The following RICTOR variants were observed in gnomAD, a reference collection of about 807,000 sequenced individuals.
RICTOR encodes rapamycin-insensitive companion of mTOR.
Under a neutral mutation model 214.9 loss-of-function variants are expected in RICTOR, and 49 were observed. The ratio of observed to expected loss-of-function variants is 0.23; its 90% confidence interval spans 0.18 to 0.29. The LOEUF is 0.29. Among genes scored for constraint, RICTOR ranks in the 10% least tolerant of loss-of-function variants. The pLI, the probability that RICTOR is intolerant of heterozygous loss-of-function variation, is 1.00. For synonymous variants in RICTOR, 717 were observed against 711.3 expected, an observed-to-expected ratio of 1.01 and a Z score of -0.13; for missense variants, 1,625 against 2,047.0, an observed-to-expected ratio of 0.79 and a Z score of 3.98.
chr5:38,998,355 T>C (rs1030367560), intron 5 of RICTOR, among the ~76,000 whole-genome samples: 6 of 152,134 alleles, frequency 3.9e-5, no homozygotes, highest in Admixed American at 6.5e-5. Context: ...CTGGCTAATT[T>C]TTGTTTTCTT....
chr5:38,962,410 C>T, intron 18 of RICTOR, 49 bp from the exon 19 acceptor site: 8 of 1,165,602 alleles, frequency 6.9e-6, no homozygotes, highest in Non-Finnish European at 1.0e-5. Flanking sequence ...TCAATTCTCA[C>T]ACATATAAGA....
At chr5:39,052,085 G>C (rs1757897447) in intron 2 of RICTOR, among the ~76,000 whole-genome samples, 1 of 152,120 alleles carries the variant, frequency 6.6e-6, no homozygotes, top group African/African-American at 2.4e-5. Flanking sequence ...GATTGCAAGG[G>C]TAAATAGGCC....
intron 3 of RICTOR, among the ~76,000 whole-genome samples, chr5:39,016,943 T>C (rs1034038892): frequency 6.6e-6 from 1 of 152,248 alleles, no homozygotes; most frequent in Non-Finnish European, 1.5e-5. Context: ...AATGATGTTT[T>C]AGATATACTG....
chr5:38,988,623 G>A (rs994523041), intron 7 of RICTOR, among the ~76,000 whole-genome samples: 6 of 152,142 alleles, frequency 3.9e-5, no homozygotes, highest in South Asian at 2.1e-4. Context: ...AAACCCCATC[G>A]TCTCAGTGCA....
At chr5:39,064,105 T>C (rs1220608561) in intron 2 of RICTOR, among the ~76,000 whole-genome samples, 2 of 152,208 alleles carry the variant, frequency 1.3e-5, no homozygotes, top group Non-Finnish European at 2.9e-5. Context: ...TTTGGGTATA[T>C]GAATGTTATA....
chr5:39,033,252 G>A (rs1756398607), intron 2 of RICTOR, among the ~76,000 whole-genome samples: 1 of 151,644 alleles, frequency 6.6e-6, no homozygotes, highest in African/African-American at 2.4e-5. Context: ...TTGTACCAGT[G>A]TCCTACTCTT....
At chr5:38,952,753 GC>G (rs1748903431) in intron 29 of RICTOR, among the ~76,000 whole-genome samples, 1 of 151,924 alleles carries the variant, frequency 6.6e-6, no homozygotes, top group Non-Finnish European at 1.5e-5. Context: ...ACAACACTAT[GC>G]CTTACCTGTT....
In RICTOR at chr5:38,996,019, T is replaced by C. The variant is rs184631933; in HGVS notation, c.456+800A>G. Among the ~76,000 whole-genome samples the C allele has an allele frequency of 9.9e-5, 15 of 152,190 alleles. No individual in the cohort carries two copies. In the East Asian group the frequency reaches 2.3e-3, roughly 23 times the overall value. The stretch of plus-strand genomic sequence containing the variant: ...GAAAAACAGGGAACCCTAGCTAACA[T>C]AGAAATTGAACAGTACACCATTTTG... On this transcript the variant is annotated intron_variant, in intron 6 of 37. Coordinates refer to ENST00000357387, the MANE Select transcript of RICTOR (RefSeq NM_152756.5).
intron 35 of RICTOR, 25 bp from the exon 36 acceptor site, chr5:38,944,594 A>C: frequency 2.6e-6 from 4 of 1,555,018 alleles, no homozygotes; most frequent in Non-Finnish European, 3.5e-6. Flanking sequence ...GGGAGAAGTT[A>C]AATATTATCT....
intron 17 of RICTOR, 55 bp downstream of exon 17, chr5:38,962,821 G>C (rs1332592200): frequency 1.4e-6 from 2 of 1,445,060 alleles, no homozygotes; most frequent in Admixed American, 3.4e-5. Flanking sequence ...AAATCCAGTG[G>C]TTAAGGAATT....
rs756485962 is a variant in RICTOR at position 38,960,008 on chromosome 5, G to T, written c.1852-30C>A. 1.3e-5 allele frequency: 18 copies of T among 1,417,762 alleles called. No homozygotes were observed. The Admixed American group carries it at 3.1e-4, about 24-fold the overall frequency. The allele number at this position is 1,417,762 out of a possible 1,614,324, so 87.8% of individuals were successfully genotyped here. A position where few individuals can be genotyped will look rare whatever the true frequency, so the allele number is the denominator to read the frequency against. ...AAGTAAATACATTGTGATATTGTGA[G>T]AAAAGCATTCAAAATCTGTAATTAG... On this transcript the variant is annotated intron_variant, in intron 20 of 37. Transcript: ENST00000357387.
chr5:39,073,585 A>C (rs779248636), intron 2 of RICTOR, among the ~76,000 whole-genome samples: 8 of 152,164 alleles, frequency 5.3e-5, no homozygotes, highest in African/African-American at 9.7e-5. Flanking sequence ...TTCACTACCA[A>C]GTTATCAATG....
At chr5:39,071,751 T>A (rs1199498688) in intron 2 of RICTOR, among the ~76,000 whole-genome samples, 6 of 152,206 alleles carry the variant, frequency 3.9e-5, no homozygotes, top group Admixed American at 3.3e-4. Flanking sequence ...ATGTCCTCTA[T>A]TTTATAATGA....
chr5:38,957,698 A>G lies in RICTOR; in HGVS notation c.2453T>C (p.Leu818Pro). ...TTTTGCTACATAACCTCTTTCATTC[A>G]GATAGGAAAATCCTTTTGGAATGGA... ...FLSIPKGFSY[L>P]NERGYVAKQL... Residue 818 changes from leucine (L) to proline (P), a missense_variant, in exon 25 of 38, where the codon CTG becomes CCG. Physicochemically the swap from Leu to Pro is moderately conservative, Grantham distance 98 (BLOSUM62 -3). This residue lies in a region of RICTOR where 1,214 missense variants were observed against 1,470.5 expected (regional missense o/e 0.83). Transcript: ENST00000357387. The G allele has an allele frequency of 6.3e-7, 1 of 1,593,156 alleles. No homozygotes were observed.
At chr5:39,035,124 C>A (rs1384032158) in intron 2 of RICTOR, among the ~76,000 whole-genome samples, 1 of 152,214 alleles carries the variant, frequency 6.6e-6, no homozygotes, top group Non-Finnish European at 1.5e-5. Flanking sequence ...TGAGACAAAA[C>A]TTCCAGAGGA....
chr5:38,995,799 A>G (rs1753138221), intron 6 of RICTOR, among the ~76,000 whole-genome samples: 1 of 152,162 alleles, frequency 6.6e-6, no homozygotes, highest in African/African-American at 2.4e-5. Flanking sequence ...ATAGATTTTT[A>G]AAATCTGAAT....
intron 2 of RICTOR, among the ~76,000 whole-genome samples, chr5:39,072,698 T>A (rs12659919): frequency 0.33 from 49,897 of 152,068 alleles, 9,411 homozygotes; most frequent in East Asian, 0.43. Flanking sequence ...TGCACAGAAG[T>A]CAAAAGCTTT....
chr5:38,992,289 G>T (rs1415518172), intron 6 of RICTOR, among the ~76,000 whole-genome samples: 1 of 152,166 alleles, frequency 6.6e-6, no homozygotes, highest in African/African-American at 2.4e-5. Flanking sequence ...GGTATAGGAA[G>T]TATAGGAAAT....
At chr5:39,074,222 G>A (rs1759549512) in intron 1 of RICTOR, 64 bp from the exon 2 acceptor site, 1 of 1,574,480 alleles carries the variant, frequency 6.4e-7, no homozygotes, top group Non-Finnish European at 8.6e-7. Flanking sequence ...GGCTGCCCTG[G>A]CTCCGGCCAG....
Sources: allele counts gnomAD v4.1 joint callset (sites outside exome capture counted in the v4.1 genomes callset), GRCh38; gene constraint gnomAD v4.1.1; regional missense constraint gnomAD v4.1.1; transcripts MANE v1.5; gene names NCBI Gene and HGNC (gene_info 2026-07-23, HGNC 2026-07-21).